IQCE: variants seen among roughly 807,000 people sequenced by gnomAD.
IQCE encodes the protein IQ motif containing E.
Under a neutral mutation model 96.0 loss-of-function variants are expected in IQCE, and 115 were observed. The observed-to-expected ratio is 1.20, with a 90% CI of 1.03 to 1.40. The LOEUF (loss-of-function observed/expected upper bound fraction) is 1.40, where lower values mean the gene tolerates loss of function less well. Ranked by LOEUF, IQCE falls within the 40% of genes most tolerant of loss-of-function variation. The pLI, the probability that IQCE is intolerant of heterozygous loss-of-function variation, is 0.00. For synonymous variants in IQCE, 412 were observed against 371.2 expected, an observed-to-expected ratio of 1.11 and a Z score of -1.26; for missense variants, 1,041 against 909.1, an observed-to-expected ratio of 1.15 and a Z score of -1.87.
At chr7:2,582,862 C>G (rs1483705553) in intron 9 of IQCE, among the ~76,000 whole-genome samples, 1 of 152,178 alleles carries the variant, frequency 6.6e-6, no homozygotes, top group Admixed American at 6.5e-5. Context: ...TTAAAAGATG[C>G]TTTCTCGAAA....
chr7:2,577,130 G>C (rs115431233), intron 6 of IQCE, among the ~76,000 whole-genome samples: 3,848 of 152,314 alleles, frequency 0.025, 167 homozygotes, highest in African/African-American at 0.087. Context: ...ACCACACACA[G>C]AGCCCTGAGT....
Position 2,565,097 on chromosome 7 carries a change from CGT to C in IQCE, c.37-2007_37-2006del, listed in dbSNP as rs200266385. ...GTGAGTGCATGTGTGCGTGTGTGTG[CGT>C]GTGTGTGTGTGAGTGCATGTGTGCA... On this transcript the variant is annotated intron_variant, in intron 1 of 21. Transcript: ENST00000402050. Among the ~76,000 whole-genome samples the C allele has an allele frequency of 6.6e-3, 976 of 148,096 alleles. 21 individuals are homozygous for C. Among genetic ancestry groups the C allele is most frequent in the Admixed American group, 0.042 (627 of 14,814 alleles).
chr7:2,604,866 T>G lies in IQCE; in HGVS notation c.1633-15T>G. The G allele has an allele frequency of 6.2e-7, 1 of 1,606,376 alleles. No individual in the cohort carries two copies. Among genetic ancestry groups the G allele is most frequent in the Non-Finnish European group, 8.5e-7 (1 of 1,173,630 alleles). ...CTCACACCCACTTTTCTCTCCCTGC[T>G]TCCTTCCCTGACAGGCGGCTGTGGT... is the stretch of plus-strand genomic sequence containing the variant. On this transcript the variant is annotated splice_polypyrimidine_tract_variant and intron_variant, in intron 18 of 21. Coordinates refer to ENST00000402050, the MANE Select transcript of IQCE (RefSeq NM_152558.5).
Position 2,578,259 on chromosome 7 carries a change from G to A in IQCE, c.483G>A (p.Lys161=). 1.2e-6 allele frequency: 2 copies of A among 1,613,600 alleles called. No homozygotes were observed. The highest frequency in any genetic ancestry group is 1.7e-6 in the Non-Finnish European group (2 of 1,179,604). The change falls in exon 7 of 22, where the codon AAG becomes AAA. Residue 161 remains lysine (K), a synonymous_variant. Coordinates refer to ENST00000402050, the MANE Select transcript of IQCE (RefSeq NM_152558.5). ...IELKKSLHVQ[K]SDVDLMRTKL... ...TTCTTCAGTCATTGCACGTGCAGAA[G>A]AGCGACGTGGACCTGATGAGAACGA...
At chr7:2,572,642 A>C in intron 5 of IQCE, 1 of 508,500 alleles carries the variant, frequency 2.0e-6, no homozygotes, top group South Asian at 1.6e-5. Flanking sequence ...ATACTAATAA[A>C]TAAATAATGA....
intron 2 of IQCE, among the ~76,000 whole-genome samples, chr7:2,567,679 G>T (rs1781478686): frequency 6.6e-6 from 1 of 152,246 alleles, no homozygotes; most frequent in South Asian, 2.1e-4. Flanking sequence ...AAGGAAGTGT[G>T]CCAATTGCTC....
At chr7:2,562,372 T>C (rs990546522) in intron 1 of IQCE, among the ~76,000 whole-genome samples, 3 of 151,974 alleles carry the variant, frequency 2.0e-5, no homozygotes, top group Non-Finnish European at 4.4e-5. Flanking sequence ...AATGTTGGTC[T>C]GTAGTGTTCT....
At chr7:2,568,778 G>A (rs111261625) in intron 2 of IQCE, among the ~76,000 whole-genome samples, 176 bp from the exon 3 acceptor site, 1 of 152,138 alleles carries the variant, frequency 6.6e-6, no homozygotes, top group East Asian at 1.9e-4. Context: ...GTGCATTTTT[G>A]TGGGGTCTGC....
chr7:2,583,484 C>T (rs1782836162), intron 9 of IQCE, among the ~76,000 whole-genome samples, 153 bp from the exon 10 acceptor site: 1 of 152,010 alleles, frequency 6.6e-6, no homozygotes, highest in South Asian at 2.1e-4. Flanking sequence ...GTTCAAGGAA[C>T]AAGTCAAATG....
intron 6 of IQCE, among the ~76,000 whole-genome samples, chr7:2,575,488 G>A (rs2969048): frequency 0.18 from 26,978 of 152,242 alleles, 2,619 homozygotes; most frequent in East Asian, 0.33. Context: ...CCTTGTTGCC[G>A]CCAGGTAATG....
chr7:2,575,314 G>A (rs762493658), intron 6 of IQCE, among the ~76,000 whole-genome samples: 3 of 152,182 alleles, frequency 2.0e-5, no homozygotes, highest in Non-Finnish European at 2.9e-5. Context: ...CACCTGCACC[G>A]GGAGGGGCTC....
Position 2,572,206 on chromosome 7 carries a change from G to A in IQCE, c.274G>A (p.Ala92Thr). ...ATTCAAACCAGGAAGTCTGACCCAG[G>A]CCCTGAACTCACCCCTCACCTGGGA... ...GTAKPGSLTQ[A>T]LNSPLTWEHA... Residue 92 changes from alanine (A) to threonine (T), a missense_variant, in exon 5 of 22, where the codon GCC becomes ACC. Physicochemically the swap from Ala to Thr is moderately conservative, Grantham distance 58. Transcript: ENST00000402050. The A allele has an allele frequency of 6.2e-7, 1 of 1,614,084 alleles. No individual in the cohort carries two copies. The highest frequency in any genetic ancestry group is 8.5e-7 in the Non-Finnish European group (1 of 1,179,980).
rs149929557 is a variant in IQCE, at chr7:2,580,688, C to G, written c.631-1892C>G. ...AATAGTGTGGATTCACAGGCGCCAG[C>G]AGGGACAGAGCACCAGGAGGATTTG... On this transcript the variant is annotated intron_variant, in intron 8 of 21. Coordinates refer to ENST00000402050, the MANE Select transcript of IQCE (RefSeq NM_152558.5). 2.1e-4 allele frequency among the ~76,000 whole-genome samples: 32 copies of G among 152,082 alleles called. No homozygotes were observed. In the East Asian group the frequency reaches 6.0e-3, roughly 28 times the overall value.
At chr7:2,574,051 T>C (rs74326737) in intron 6 of IQCE, among the ~76,000 whole-genome samples, 3,805 of 152,266 alleles carry the variant, frequency 0.025, 165 homozygotes, top group African/African-American at 0.086. Context: ...TACTTCCCCA[T>C]GGCCCCTCCC....
At chr7:2,560,492 C>T (rs1158225644) in intron 1 of IQCE, among the ~76,000 whole-genome samples, 4 of 152,188 alleles carry the variant, frequency 2.6e-5, no homozygotes, top group African/African-American at 9.7e-5. Flanking sequence ...CAACTTGGAG[C>T]AGCTGAAGTT....
chr7:2,587,884 G>A lies in IQCE; in HGVS notation c.1044+7G>A, dbSNP rs183774629. Reference sequence around the variant, plus strand: ...CATTGTGGAGCTGGAGAAGGTGAGCGGGCGTCTCAGTGCCACTGTCGTTGG... The same window carrying A: ...CATTGTGGAGCTGGAGAAGGTGAGCAGGCGTCTCAGTGCCACTGTCGTTGG... On this transcript the variant is annotated splice_region_variant and intron_variant, in intron 13 of 21. Transcript: ENST00000402050. 11 of 1,613,754 alleles carry A rather than the reference G, an allele frequency of 6.8e-6. No homozygotes were observed. The highest frequency in any genetic ancestry group is 1.3e-5 in the African/African-American group (1 of 75,046).
chr7:2,577,776 T>C (rs1177995191), intron 6 of IQCE, among the ~76,000 whole-genome samples: 6 of 121,074 alleles, frequency 5.0e-5, no homozygotes, highest in South Asian at 2.7e-4. Context: ...CGGGGACCTG[T>C]GTGCGGCGTA....
chr7:2,571,158 A>C (rs1781725836), intron 3 of IQCE, among the ~76,000 whole-genome samples: 1 of 152,126 alleles, frequency 6.6e-6, no homozygotes, highest in Non-Finnish European at 1.5e-5. Flanking sequence ...AGCTGGGACC[A>C]CAGGTGTGAG....
Position 2,578,144 on chromosome 7 carries a change from C to CCCGCATTGGCGTGT in IQCE, c.466-97_466-84dup, listed in dbSNP as rs564159781. On this transcript the variant is annotated intron_variant, in intron 6 of 21. Transcript: ENST00000402050. ...CGCGTGGGGACGTGTGTGCGGCGTGCCCGCATTGGCGTGTGCGTGGCTGTG... is the reference window on the plus strand; with the variant it reads ...CGCGTGGGGACGTGTGTGCGGCGTGCCCGCATTGGCGTGTCCGCATTGGCGTGTGCGTGGCTGTG... The CCCGCATTGGCGTGT allele has an allele frequency of 1.8e-3, 1,472 of 815,350 alleles. 19 individuals are homozygous for CCCGCATTGGCGTGT. The African/African-American group carries it at 0.022, about 12-fold the overall frequency. The allele number at this position is 815,350 out of a possible 1,614,324, so 50.5% of individuals were successfully genotyped here.
Sources: gnomAD v4.1 joint callset for allele counts (sites outside exome capture counted in the v4.1 genomes callset) on GRCh38, gnomAD v4.1.1 for gene constraint, MANE v1.5 for transcripts, NCBI Gene and HGNC (gene_info 2026-07-23, HGNC 2026-07-21) for gene names.